GTPBP2: variants seen among roughly 807,000 people sequenced by gnomAD.
The protein encoded by GTPBP2 is GTP binding protein 2, also known as GTP-binding protein 2.
In GTPBP2, 32 loss-of-function variants were observed where a neutral mutation model predicts 63.0. That is an observed-to-expected ratio of 0.51 (90% CI 0.38 to 0.68). The LOEUF is 0.68. GTPBP2 is among the 30% of genes least tolerant of loss of function. The pLI is 0.00. For synonymous variants in GTPBP2, 310 were observed against 322.6 expected (o/e 0.96, Z 0.42); for missense variants, 492 against 796.9 (o/e 0.62, Z 4.61).
intron 9 of GTPBP2, chr6:43,623,431 G>A (rs772362914): frequency 6.7e-5 from 27 of 400,612 alleles, no homozygotes; most frequent in Non-Finnish European, 9.9e-5. Flanking sequence ...CTTAAGTGAC[G>A]TCTCTCATTT....
rs956150060 is a variant in GTPBP2, at chr6:43,625,637, C to T, written c.508-77G>A. ...GAAGACTGGGTCAAGGGCAGTGACG[C>T]TCCCTAGGGAGCAAGTGATGAACTG... On this transcript the variant is annotated intron_variant, in intron 4 of 11. Coordinates refer to ENST00000307126, the MANE Select transcript of GTPBP2 (RefSeq NM_019096.5). The surrounding 1 kb of genome is among the most constrained non-coding windows in gnomAD (Gnocchi z 5.1). The T allele has an allele frequency of 3.5e-6, 5 of 1,431,942 alleles. No individual in the cohort carries two copies. In the African/African-American group the frequency reaches 4.2e-5, roughly 12 times the overall value. The allele number at this position is 1,431,942 out of a possible 1,614,324, so 88.7% of individuals were successfully genotyped here. A position where few individuals can be genotyped will look rare whatever the true frequency, so the allele number is the denominator to read the frequency against.
rs60834679 is a variant in GTPBP2, at chr6:43,625,393, G to A, written c.675C>T (p.Phe225=). 2.7e-5 allele frequency: 43 copies of A among 1,613,952 alleles called. No homozygotes were observed. The highest frequency in any genetic ancestry group is 1.8e-4 in the East Asian group (8 of 44,882). ...IQSGRTSSIS[F]EILGFNSKGE... is the part of the protein sequence containing the mutation. ...CCTTGCTGTTAAAGCCCAGGATCTC[G>A]AAGCTGATGCTGGAGGTTCGGCCAG... The change falls in exon 5 of 12, where the codon TTC becomes TTT. Residue 225 remains phenylalanine, a synonymous_variant. Transcript: ENST00000307126. This position sits in a 1 kb window ranked among gnomAD's most constrained non-coding sequence, Gnocchi z 5.1.
Position 43,621,533 on chromosome 6 carries a change from C to T in GTPBP2, c.*81G>A. On this transcript the variant is annotated 3_prime_UTR_variant, in exon 12 of 12. Transcript: ENST00000307126. The stretch of plus-strand genomic sequence containing the variant: ...CTCCCTAGCCTATTAACACACAGAG[C>T]CGCCAATGGCAGGGCAGCATGGCCA... The T allele has an allele frequency of 6.2e-7, 1 of 1,605,170 alleles. No individual in the cohort carries two copies. Among genetic ancestry groups the T allele is most frequent in the Non-Finnish European group, 8.5e-7 (1 of 1,175,846 alleles).
At position 43,629,256 on chromosome 6, in the gene GTPBP2, G is replaced by A. The variant is rs1207907061; in HGVS notation, c.-94C>T. ...TGCCACTGCCGTGTCCGGCCGGCCT[G>A]AGCAGAGTGGGGTGGGGCTCTGCAC... On this transcript the variant is annotated 5_prime_UTR_variant, in exon 1 of 12. Coordinates refer to ENST00000307126, the MANE Select transcript of GTPBP2 (RefSeq NM_019096.5). 1 of 951,136 alleles carries A rather than the reference G, an allele frequency of 1.1e-6. No homozygotes were observed. Among genetic ancestry groups the A allele is most frequent in the Non-Finnish European group, 1.4e-6 (1 of 701,944 alleles). 58.9% of individuals were successfully genotyped at this position (951,136 alleles called of 1,614,324 possible). A position where few individuals can be genotyped will look rare whatever the true frequency, so the allele number is the denominator to read the frequency against.
At position 43,622,333 on chromosome 6, in the gene GTPBP2, T is replaced by C. The variant is rs1325645074; in HGVS notation, c.1468-166A>G. Among the ~76,000 whole-genome samples the C allele has an allele frequency of 6.6e-6, 1 of 151,910 alleles. No homozygotes were observed. Among genetic ancestry groups the C allele is most frequent in the Admixed American group, 6.6e-5 (1 of 15,264 alleles). On this transcript the variant is annotated intron_variant, in intron 10 of 11. Coordinates refer to ENST00000307126, the MANE Select transcript of GTPBP2 (RefSeq NM_019096.5). The surrounding 1 kb of genome is among the most constrained non-coding windows in gnomAD (Gnocchi z 5.4). Reference sequence around the variant, plus strand: ...AATCAAAACTCTCAGAGGGAATGAGTCTTTACCCACCTCCTACGTCCTCTA... The same window carrying C: ...AATCAAAACTCTCAGAGGGAATGAGCCTTTACCCACCTCCTACGTCCTCTA...
upstream of GTPBP2, among the ~76,000 whole-genome samples, chr6:43,630,657 C>T (rs1769853549): frequency 6.6e-6 from 1 of 151,772 alleles, no homozygotes; most frequent in Admixed American, 6.6e-5. Flanking sequence ...GCAGGAGAAT[C>T]GCTTGAACCC....
chr6:43,625,888 C>T lies in GTPBP2; in HGVS notation c.399-24G>A. 1.3e-6 allele frequency: 2 copies of T among 1,543,972 alleles called. No individual in the cohort carries two copies. Among genetic ancestry groups the T allele is most frequent in the East Asian group, 4.5e-5 (2 of 44,548 alleles). ...CCCTGTCACAGCAAGGCCACAGCTG[C>T]CATATCTCACCTGTCCTTCTCCTAT... On this transcript the variant is annotated intron_variant, in intron 3 of 11. Transcript: ENST00000307126. This position sits in a 1 kb window ranked among gnomAD's most constrained non-coding sequence, Gnocchi z 5.1.
chr6:43,626,493 G>T lies in GTPBP2; in HGVS notation c.214-83C>A. On this transcript the variant is annotated intron_variant, in intron 2 of 11. Transcript: ENST00000307126. The surrounding 1 kb of genome is among the most constrained non-coding windows in gnomAD (Gnocchi z 4.0). ...TGGTCCCCACCTGTTCTGCTGCAAG[G>T]ACCAGGACTTTCTCTTTCCACTTAA... The T allele has an allele frequency of 9.1e-7, 1 of 1,094,716 alleles. No homozygotes were observed. The highest frequency in any genetic ancestry group is 1.4e-6 in the Non-Finnish European group (1 of 738,154). 67.8% of individuals were successfully genotyped at this position (1,094,716 alleles called of 1,614,324 possible). A position where few individuals can be genotyped will look rare whatever the true frequency, so the allele number is the denominator to read the frequency against.
chr6:43,626,422 T>A lies in GTPBP2; in HGVS notation c.214-12A>T, dbSNP rs371643295. ...TTCACCAGCTTCAACTTAGGGCAAGTGGGGTATCATAAGGTGAAATCAGAG... is the reference window on the plus strand; with the variant it reads ...TTCACCAGCTTCAACTTAGGGCAAGAGGGGTATCATAAGGTGAAATCAGAG... On this transcript the variant is annotated splice_polypyrimidine_tract_variant and intron_variant, in intron 2 of 11. Transcript: ENST00000307126. This position sits in a 1 kb window ranked among gnomAD's most constrained non-coding sequence, Gnocchi z 4.0. 3.7e-5 allele frequency: 59 copies of A among 1,611,900 alleles called. No homozygotes were observed. Among genetic ancestry groups the A allele is most frequent in the Non-Finnish European group, 4.7e-5 (55 of 1,178,184 alleles).
At position 43,621,381 on chromosome 6, in the gene GTPBP2, A is replaced by C. The variant is rs1466751009; in HGVS notation, c.*233T>G. Reference sequence around the variant, plus strand: ...CCAGGTTTGATGAGCCAACCAGGTGAGCACACAGCTTCGGAGCACTGCCCT... The same window carrying C: ...CCAGGTTTGATGAGCCAACCAGGTGCGCACACAGCTTCGGAGCACTGCCCT... On this transcript the variant is annotated 3_prime_UTR_variant, in exon 12 of 12. Coordinates refer to ENST00000307126, the MANE Select transcript of GTPBP2 (RefSeq NM_019096.5). 3.3e-6 allele frequency: 5 copies of C among 1,506,816 alleles called. No homozygotes were observed. In the South Asian group the frequency reaches 6.0e-5, roughly 18 times the overall value. 93.3% of individuals were successfully genotyped at this position (1,506,816 alleles called of 1,614,324 possible).
chr6:43,623,880 G>A, intron 8 of GTPBP2, 53 bp downstream of exon 8: 1 of 1,613,164 alleles, frequency 6.2e-7, no homozygotes. Context: ...GGTTTGGTCT[G>A]AAGCAGCCCC....
chr6:43,626,144 C>A lies in GTPBP2; in HGVS notation c.398+82G>T. On this transcript the variant is annotated intron_variant, in intron 3 of 11. Coordinates refer to ENST00000307126, the MANE Select transcript of GTPBP2 (RefSeq NM_019096.5). The surrounding 1 kb of genome is among the most constrained non-coding windows in gnomAD (Gnocchi z 4.0). ...CAAGAGAAGGAAAGTCCCACCTTGGCCCCTCAGGCCCTAGGTAACTGGGTA... is the reference window on the plus strand; with the variant it reads ...CAAGAGAAGGAAAGTCCCACCTTGGACCCTCAGGCCCTAGGTAACTGGGTA... 1 of 1,313,926 alleles carries A rather than the reference C, an allele frequency of 7.6e-7. No individual in the cohort carries two copies. The highest frequency in any genetic ancestry group is 1.3e-5 in the South Asian group (1 of 76,780). The allele number at this position is 1,313,926 out of a possible 1,614,324, so 81.4% of individuals were successfully genotyped here.
In GTPBP2 at chr6:43,624,448, G is replaced by C; in HGVS notation, c.1100+62C>G. ...TGGAGAAGTAGGATATCATGCTTCT[G>C]GGCCCTGGGCTCTGTGGCAGCCTTC... On this transcript the variant is annotated intron_variant, in intron 7 of 11. Transcript: ENST00000307126. This position sits in a 1 kb window ranked among gnomAD's most constrained non-coding sequence, Gnocchi z 5.1. 1 of 1,209,434 alleles carries C rather than the reference G, an allele frequency of 8.3e-7. No individual in the cohort carries two copies. The highest frequency in any genetic ancestry group is 1.2e-6 in the Non-Finnish European group (1 of 824,884). The allele number at this position is 1,209,434 out of a possible 1,614,324, so 74.9% of individuals were successfully genotyped here.
At chr6:43,629,763 C>T (rs1314342108), upstream of GTPBP2, 4 of 1,559,722 alleles carry the variant, frequency 2.6e-6, no homozygotes, top group East Asian at 9.5e-5. Context: ...GCCCGCGTGC[C>T]GCTGGGGTGA....
intron 11 of GTPBP2, 90 bp downstream of exon 11, chr6:43,621,913 C>T (rs1768766090): frequency 1.3e-6 from 2 of 1,599,842 alleles, no homozygotes; most frequent in Non-Finnish European, 1.7e-6. Context: ...GTTTTATTCC[C>T]ATTGTGGGAT....
Position 43,626,471 on chromosome 6 carries a change from TC to T in GTPBP2, c.214-62del. ...AGGTGTTCCTCCCAAACCTACATGG[TC>T]CCCACCTGTTCTGCTGCAAGGACCA... On this transcript the variant is annotated intron_variant, in intron 2 of 11. Transcript: ENST00000307126. This position sits in a 1 kb window ranked among gnomAD's most constrained non-coding sequence, Gnocchi z 4.0. 7.4e-7 allele frequency: 1 copy of T among 1,345,386 alleles called. No individual in the cohort carries two copies. Among genetic ancestry groups the T allele is most frequent in the Non-Finnish European group, 1.1e-6 (1 of 946,088 alleles). 83.3% of individuals were successfully genotyped at this position (1,345,386 alleles called of 1,614,324 possible). A position where few individuals can be genotyped will look rare whatever the true frequency, so the allele number is the denominator to read the frequency against.
chr6:43,628,507 G>C (rs1407471599), intron 1 of GTPBP2: 1 of 794,040 alleles, frequency 1.3e-6, no homozygotes. Flanking sequence ...TGTGTGTGTA[G>C]TGAACATACT....
chr6:43,629,698 C>T (rs1769773183), upstream of GTPBP2: 42 of 1,545,174 alleles, frequency 2.7e-5, no homozygotes, highest in Non-Finnish European at 3.6e-5. Context: ...AGAACTGAGG[C>T]TACTGGTGCC....
In GTPBP2 at chr6:43,625,092, T is replaced by A; in HGVS notation, c.706-30A>T. On this transcript the variant is annotated intron_variant, in intron 5 of 11. Transcript: ENST00000307126. This position sits in a 1 kb window ranked among gnomAD's most constrained non-coding sequence, Gnocchi z 5.1. Reference sequence around the variant, plus strand: ...CCCAGGGCCCAGGGCCCTCAGTGCCTCCTGCCAGCCCTTCCAACCCCTTCA... The same window carrying A: ...CCCAGGGCCCAGGGCCCTCAGTGCCACCTGCCAGCCCTTCCAACCCCTTCA... 1 of 1,606,706 alleles carries A rather than the reference T, an allele frequency of 6.2e-7. No homozygotes were observed. The highest frequency in any genetic ancestry group is 8.5e-7 in the Non-Finnish European group (1 of 1,175,614).
Sources: allele counts gnomAD v4.1 joint callset (sites outside exome capture counted in the v4.1 genomes callset), GRCh38; gene constraint gnomAD v4.1.1; non-coding constraint Gnocchi (gnomAD v3.1); transcripts MANE v1.5; gene names NCBI Gene and HGNC (gene_info 2026-07-23, HGNC 2026-07-21).